Variants in HSH2D observed in about 807,000 individuals in gnomAD.
The protein encoded by HSH2D is hematopoietic SH2 domain containing, also known as hematopoietic SH2 domain-containing protein.
HSH2D carries 16 observed loss-of-function variants against 21.5 expected under a neutral mutation model. The observed-to-expected ratio is 0.74, with a 90% CI of 0.50 to 1.13. The LOEUF (loss-of-function observed/expected upper bound fraction) is 1.13, where lower values mean the gene tolerates loss of function less well. Ranked by LOEUF, HSH2D falls within the 50% of genes most tolerant of loss-of-function variation. The pLI, the probability that HSH2D is intolerant of heterozygous loss-of-function variation, is 0.00. For missense variants in HSH2D, 418 were observed against 441.4 expected, an observed-to-expected ratio of 0.95 and a Z score of 0.47; for synonymous variants, 172 against 184.7, an observed-to-expected ratio of 0.93 and a Z score of 0.56.
intron 4 of HSH2D, among the ~76,000 whole-genome samples, chr19:16,153,514 T>C (rs1426678968): frequency 6.6e-6 from 1 of 151,680 alleles, no homozygotes; most frequent in Non-Finnish European, 1.5e-5. Context: ...TCGGTGGGCG[T>C]GGCCTGGCTC....
At chr19:16,137,937 T>C (rs183145044) in intron 1 of HSH2D, among the ~76,000 whole-genome samples, 256 of 152,174 alleles carry the variant, frequency 1.7e-3, no homozygotes, top group African/African-American at 5.7e-3. Flanking sequence ...GGTGCAATCT[T>C]GGCTCACTGC....
intron 1 of HSH2D, among the ~76,000 whole-genome samples, chr19:16,135,239 T>C (rs1353206968): frequency 6.6e-6 from 1 of 152,032 alleles, no homozygotes; most frequent in African/African-American, 2.4e-5. Flanking sequence ...GCCACTGCAC[T>C]CTAGCCTGGG....
chr19:16,135,778 T>C (rs931454758), intron 1 of HSH2D, among the ~76,000 whole-genome samples: 1 of 152,168 alleles, frequency 6.6e-6, no homozygotes, highest in Non-Finnish European at 1.5e-5. Context: ...CTCATCTTCA[T>C]AGCATTTATG....
chr19:16,152,642 G>A lies in HSH2D; in HGVS notation c.215+1G>A. The A allele has an allele frequency of 1.9e-6, 3 of 1,541,272 alleles. No individual in the cohort carries two copies. Among genetic ancestry groups the A allele is most frequent in the African/African-American group, 2.7e-5 (2 of 72,920 alleles). ...ATGTGGGCTACACACTCTCCTACAA[G>A]TAAGGCCTGGGCCGGGATCCAGGGC... On this transcript the variant is annotated splice_donor_variant, in intron 3 of 5. Coordinates refer to ENST00000613986, the MANE Select transcript of HSH2D (RefSeq NM_001382417.1). LOFTEE classifies it high-confidence loss of function.
In HSH2D at chr19:16,157,381, A is replaced by G. The variant is rs920746086; in HGVS notation, c.646A>G (p.Arg216Gly). The G allele has an allele frequency of 1.2e-6, 2 of 1,613,906 alleles. No homozygotes were observed. The highest frequency in any genetic ancestry group is 2.7e-5 in the African/African-American group (2 of 75,036). Residue 216 changes from arginine (R) to glycine (G), a missense_variant, in exon 6 of 6, where the codon AGG (arginine) becomes GGG (glycine). Coordinates refer to ENST00000613986, the MANE Select transcript of HSH2D (RefSeq NM_001382417.1). The surrounding 1 kb of genome is among the most constrained non-coding windows in gnomAD (Gnocchi z 4.4). The stretch of plus-strand genomic sequence containing the variant: ...CAAAATGCTCCCCGAGAGAGGCCAG[A>G]GGGTCCGGCAGCAGCTAAAAAGCCA... ...SLKMLPERGQ[R>G]VRQQLKSHLA... is the part of the protein sequence containing the mutation.
upstream of HSH2D, chr19:16,143,637 A>G: frequency 2.6e-6 from 1 of 387,466 alleles, no homozygotes; most frequent in South Asian, 1.8e-5. Flanking sequence ...CCCAGGGCTC[A>G]CCTGCTTGAG....
upstream of HSH2D, among the ~76,000 whole-genome samples, chr19:16,140,408 C>T (rs558346683): frequency 1.9e-3 from 283 of 152,292 alleles, 1 homozygote; most frequent in African/African-American, 6.6e-3. Flanking sequence ...AGTTCAAGAC[C>T]AACCTGGCCA....
At chr19:16,147,547 G>A (rs2091088719) in intron 1 of HSH2D, among the ~76,000 whole-genome samples, 1 of 151,086 alleles carries the variant, frequency 6.6e-6, no homozygotes, top group Admixed American at 6.6e-5. Flanking sequence ...AGTCCTTGAA[G>A]GCCTTTGGGG....
rs1568327606 is a variant in HSH2D, at chr19:16,143,716, G to C, written c.-86G>C. On this transcript the variant is annotated 5_prime_UTR_variant, in exon 1 of 6. Transcript: ENST00000613986. ...GTGCAGACCTTGAATCGAAACCCAGGCTCCTGCAGGCACTGGCACAGCTAC... is the reference window on the plus strand; with the variant it reads ...GTGCAGACCTTGAATCGAAACCCAGCCTCCTGCAGGCACTGGCACAGCTAC... 1 of 453,100 alleles carries C rather than the reference G, an allele frequency of 2.2e-6. No homozygotes were observed. Among genetic ancestry groups the C allele is most frequent in the Non-Finnish European group, 4.4e-6 (1 of 224,946 alleles). 28.1% of individuals were successfully genotyped at this position (453,100 alleles called of 1,614,324 possible). A position where few individuals can be genotyped will look rare whatever the true frequency, so the allele number is the denominator to read the frequency against.
chr19:16,152,392 G>T (rs285286), intron 2 of HSH2D, among the ~76,000 whole-genome samples, 160 bp from the exon 3 acceptor site: 111,425 of 146,956 alleles, frequency 0.76, 42,437 homozygotes, highest in East Asian at 0.95. Flanking sequence ...CACTCCAGCC[G>T]GGGGGACAGA....
rs146499702 is a variant in HSH2D at position 16,152,913 on chromosome 19, G to A, written c.216-130G>A. ...ACCTGCTGGGTGTTGCATGGCCAGT[G>A]AGTGAAGAAGCCTGCATGGGAACCT... On this transcript the variant is annotated intron_variant, in intron 3 of 5. Transcript: ENST00000613986. 1.4e-3 allele frequency: 1,541 copies of A among 1,087,114 alleles called. 25 individuals are homozygous for A. The Admixed American group carries it at 0.021, about 15-fold the overall frequency. The allele number at this position is 1,087,114 out of a possible 1,614,324, so 67.3% of individuals were successfully genotyped here. A position where few individuals can be genotyped will look rare whatever the true frequency, so the allele number is the denominator to read the frequency against.
chr19:16,155,343 G>A (rs1160230944), intron 5 of HSH2D, among the ~76,000 whole-genome samples: 2 of 152,132 alleles, frequency 1.3e-5, no homozygotes, highest in African/African-American at 4.8e-5. Context: ...TCTGCAAGGT[G>A]AGGAGGAGCC....
chr19:16,155,048 G>A (rs2091220061), intron 5 of HSH2D, among the ~76,000 whole-genome samples: 1 of 152,108 alleles, frequency 6.6e-6, no homozygotes, highest in Admixed American at 6.6e-5. Context: ...GTTTGCCTTT[G>A]CTTCTCCCAC....
At chr19:16,156,849 G>A (rs1360414951) in intron 5 of HSH2D, among the ~76,000 whole-genome samples, 2 of 152,094 alleles carry the variant, frequency 1.3e-5, no homozygotes, top group Non-Finnish European at 2.9e-5. Flanking sequence ...TTAGCCAGGC[G>A]TGGTGGTGTG....
Position 16,148,738 on chromosome 19 carries a change from A to T in HSH2D, c.-13A>T. 1 of 1,613,670 alleles carries T rather than the reference A, an allele frequency of 6.2e-7. No homozygotes were observed. The highest frequency in any genetic ancestry group is 8.5e-7 in the Non-Finnish European group (1 of 1,179,810). On this transcript the variant is annotated 5_prime_UTR_variant, in exon 2 of 6. Coordinates refer to ENST00000613986, the MANE Select transcript of HSH2D (RefSeq NM_001382417.1). ...TCTCTACCCAGGTGACCTTCCCTCC[A>T]CCCCAGGAAGCTATGACAGAGGCCG...
chr19:16,155,029 A>T (rs963974960), intron 5 of HSH2D, among the ~76,000 whole-genome samples: 2 of 152,176 alleles, frequency 1.3e-5, no homozygotes, highest in African/African-American at 4.8e-5. Context: ...TGGAGACTCC[A>T]TCTGGCTTGT....
Position 16,157,071 on chromosome 19 carries a change from T to C in HSH2D, c.475-139T>C. ...TTACTGAGACGAGAAAGATGGGGCA[T>C]GGGATCAGGTTTGGGGGTTCACACG... On this transcript the variant is annotated intron_variant, in intron 5 of 5. Transcript: ENST00000613986. This position sits in a 1 kb window ranked among gnomAD's most constrained non-coding sequence, Gnocchi z 4.4. 1.7e-6 allele frequency: 1 copy of C among 580,114 alleles called. No individual in the cohort carries two copies. The highest frequency in any genetic ancestry group is 3.0e-5 in the South Asian group (1 of 33,400). The allele number at this position is 580,114 out of a possible 1,614,324, so 35.9% of individuals were successfully genotyped here. A position where few individuals can be genotyped will look rare whatever the true frequency, so the allele number is the denominator to read the frequency against.
chr19:16,136,892 C>G lies in HSH2D; in HGVS notation c.-324+2657C>G, dbSNP rs78331526. Among the ~76,000 whole-genome samples, 49 of 152,348 alleles carry G rather than the reference C, an allele frequency of 3.2e-4. No homozygotes were observed. The East Asian group carries it at 9.3e-3, about 29-fold the overall frequency. Reference sequence around the variant, plus strand: ...TTTCACGCCTTATGTAAATCAAACACTGCCTCCTCACCAGGCATCTATAAA... The same window carrying G: ...TTTCACGCCTTATGTAAATCAAACAGTGCCTCCTCACCAGGCATCTATAAA... On this transcript the variant is annotated intron_variant, in intron 1 of 7. Coordinates refer to the HSH2D transcript ENST00000616645.
chr19:16,142,398 T>C (rs1359511496), upstream of HSH2D, among the ~76,000 whole-genome samples: 1 of 152,236 alleles, frequency 6.6e-6, no homozygotes, highest in Non-Finnish European at 1.5e-5. Flanking sequence ...ACTTCCTGTT[T>C]CCCCTTTGGA....
Sources: gnomAD v4.1 joint callset for allele counts (sites outside exome capture counted in the v4.1 genomes callset) on GRCh38, gnomAD v4.1.1 for gene constraint, Gnocchi (gnomAD v3.1) non-coding constraint, MANE v1.5 for transcripts, NCBI Gene and HGNC (gene_info 2026-07-23, HGNC 2026-07-21) for gene names.